Variants in ZNF346 observed in about 807,000 individuals in gnomAD.
ZNF346 encodes the protein zinc finger protein 346.
Under a neutral mutation model 33.7 loss-of-function variants are expected in ZNF346, and 23 were observed. That is an observed-to-expected ratio of 0.68 (90% CI 0.49 to 0.97). The LOEUF (loss-of-function observed/expected upper bound fraction) is 0.97, where lower values mean the gene tolerates loss of function less well. Ranked by LOEUF, ZNF346 falls within the 50% of genes least tolerant of loss-of-function variation. The probability of loss-of-function intolerance (pLI) is 0.00; values close to 1 mark genes in which losing one functional copy is unlikely to be tolerated. For synonymous variants in ZNF346, 134 were observed against 142.4 expected, an observed-to-expected ratio of 0.94 and a Z score of 0.42; for missense variants, 340 against 371.1, an observed-to-expected ratio of 0.92 and a Z score of 0.69.
At chr5:177,058,331 C>T (rs1333047714) in intron 5 of ZNF346, among the ~76,000 whole-genome samples, 6 of 151,504 alleles carry the variant, frequency 4.0e-5, no homozygotes, top group African/African-American at 9.7e-5. Flanking sequence ...ATTAGCCGGG[C>T]GTAGTGGTGC....
At chr5:177,063,924 G>T (rs1432852034) in intron 6 of ZNF346, among the ~76,000 whole-genome samples, 1 of 152,006 alleles carries the variant, frequency 6.6e-6, no homozygotes, top group Non-Finnish European at 1.5e-5. Flanking sequence ...CTCTAATTCT[G>T]TAAGAATAAA....
At chr5:177,078,142 A>T (rs1034636681) in intron 8 of ZNF346, among the ~76,000 whole-genome samples, 1 of 152,132 alleles carries the variant, frequency 6.6e-6, no homozygotes, top group Admixed American at 6.6e-5. Context: ...GCAAGACTCC[A>T]TCTCAAAAAA....
chr5:177,075,299 A>T (rs1783692364), intron 8 of ZNF346, among the ~76,000 whole-genome samples: 2 of 151,892 alleles, frequency 1.3e-5, no homozygotes, highest in South Asian at 4.1e-4. Flanking sequence ...GCTACTCATG[A>T]GGCTGAGGCG....
chr5:177,022,822 C>T lies in ZNF346; in HGVS notation c.84C>T (p.Gly28=). ...ACAGCAGCTCGGAGTTGCTGGAGGG[C>T]CAGGAGCCGGACGGGGTGCGCTTTG... The part of the protein sequence containing the change: ...GPYSSSELLE[G]QEPDGVRFDR... Residue 28 remains glycine (G), a synonymous_variant, in exon 1 of 7, where the codon GGC becomes GGT. Transcript: ENST00000358149. The T allele has an allele frequency of 6.5e-7, 1 of 1,541,098 alleles. No individual in the cohort carries two copies. Among genetic ancestry groups the T allele is most frequent in the African/African-American group, 1.4e-5 (1 of 72,260 alleles).
At chr5:177,023,215 C>T (rs543247433) in intron 1 of ZNF346, 19 of 1,536,456 alleles carry the variant, frequency 1.2e-5, no homozygotes, top group Non-Finnish European at 1.7e-5. Context: ...TGTCGGAGAC[C>T]TACAGTCTTT....
chr5:177,028,518 A>ATATATATATATATATATATATG (rs1777181307), intron 1 of ZNF346, among the ~76,000 whole-genome samples: 1 of 138,674 alleles, frequency 7.2e-6, no homozygotes, highest in African/African-American at 2.7e-5. Context: ...ATATATATAT[A>ATATATATATATATATATATATG]TATTTCCCTC....
chr5:177,022,999 C>T (rs978908044), intron 1 of ZNF346, 86 bp downstream of exon 1: 2 of 1,447,216 alleles, frequency 1.4e-6, no homozygotes, highest in East Asian at 2.5e-5. Context: ...GTCACACCCC[C>T]TGGCCCGCCT....
At chr5:177,057,835 T>TATTG (rs1271921178) in intron 5 of ZNF346, among the ~76,000 whole-genome samples, 19 of 150,520 alleles carry the variant, frequency 1.3e-4, no homozygotes, top group African/African-American at 4.2e-4. Context: ...TTTATTTATT[T>TATTG]ATTGAGACAG....
chr5:177,079,519 G>A (rs72813141), exon 9 of ZNF346: 3,129 of 152,196 alleles, frequency 0.021, 37 homozygotes, highest in South Asian at 0.05. Context: ...AACATCTTGC[G>A]ACCATGAGAG....
intron 5 of ZNF346, among the ~76,000 whole-genome samples, chr5:177,061,037 G>T (rs541331638): frequency 7.9e-5 from 12 of 152,074 alleles, no homozygotes; most frequent in Non-Finnish European, 1.0e-4. Flanking sequence ...GCGTGAACCC[G>T]GGAGGCGGAG....
At chr5:177,039,173 T>C (rs939471448) in intron 1 of ZNF346, among the ~76,000 whole-genome samples, 5 of 151,892 alleles carry the variant, frequency 3.3e-5, no homozygotes, top group Non-Finnish European at 5.9e-5. Context: ...TTACAGGCAT[T>C]ACCAATCGTG....
intron 8 of ZNF346, among the ~76,000 whole-genome samples, chr5:177,074,359 A>C (rs1783644584): frequency 6.6e-6 from 1 of 151,956 alleles, no homozygotes; most frequent in Admixed American, 6.6e-5. Flanking sequence ...CCAAGTGGGA[A>C]TGTCTCGAGC....
At chr5:177,053,444 C>G (rs1781246267) in intron 5 of ZNF346, among the ~76,000 whole-genome samples, 1 of 151,576 alleles carries the variant, frequency 6.6e-6, no homozygotes, top group South Asian at 2.1e-4. Context: ...AGCCGTTACA[C>G]CCAGCCTGCT....
intron 5 of ZNF346, among the ~76,000 whole-genome samples, chr5:177,054,408 G>GT (rs1218159160): frequency 2.7e-5 from 4 of 149,578 alleles, no homozygotes; most frequent in Non-Finnish European, 4.4e-5. Flanking sequence ...TTTTTATTTT[G>GT]TTTTTTTGAG....
chr5:177,079,099 C>T (rs1654424740), intron 8 of ZNF346, among the ~76,000 whole-genome samples: 1 of 151,852 alleles, frequency 6.6e-6, no homozygotes, highest in Admixed American at 6.6e-5. Flanking sequence ...GGTGAAGCTC[C>T]GTCTCTACTA....
intron 1 of ZNF346, among the ~76,000 whole-genome samples, chr5:177,029,952 A>G (rs537438312): frequency 5.3e-5 from 8 of 152,324 alleles, no homozygotes; most frequent in African/African-American, 1.7e-4. Flanking sequence ...CCAGGTAGAT[A>G]GTGTCAGAAT....
Position 177,041,873 on chromosome 5 carries a change from A to G in ZNF346, c.372+3A>G. On this transcript the variant is annotated splice_donor_region_variant and intron_variant, in intron 3 of 6. Transcript: ENST00000358149. ...CGAAGAAGCTAGACTCAGATCAGGT[A>G]ATACAGCTGCCATATTGAGCCCACT... The G allele has an allele frequency of 6.2e-7, 1 of 1,602,318 alleles. No individual in the cohort carries two copies. The highest frequency in any genetic ancestry group is 8.5e-7 in the Non-Finnish European group (1 of 1,170,230).
At position 177,022,755 on chromosome 5, in the gene ZNF346, C is replaced by CGGCCACGGTGCA. The variant is rs1561949819; in HGVS notation, c.22_33dup (p.Thr8_Ala11dup). 2 of 1,555,798 alleles carry CGGCCACGGTGCA rather than the reference C, an allele frequency of 1.3e-6. No individual in the cohort carries two copies. Among genetic ancestry groups the CGGCCACGGTGCA allele is most frequent in the South Asian group, 2.4e-5 (2 of 84,816 alleles). ...GCGGGGAAGATGGAGTATCCCGCGC[C>CGGCCACGGTGCA]GGCCACGGTGCAGGCCGCGGACGGC... On this transcript the variant is annotated inframe_insertion, in exon 1 of 7. Transcript: ENST00000358149.
chr5:177,034,791 G>T (rs548769818), intron 1 of ZNF346, among the ~76,000 whole-genome samples: 28 of 152,320 alleles, frequency 1.8e-4, no homozygotes, highest in Admixed American at 1.6e-3. Flanking sequence ...GTCAAAAAAG[G>T]TCATGGAACT....
Sources: gnomAD v4.1 joint callset for allele counts (sites outside exome capture counted in the v4.1 genomes callset) on GRCh38, gnomAD v4.1.1 for gene constraint, MANE v1.5 for transcripts, NCBI Gene and HGNC (gene_info 2026-07-23, HGNC 2026-07-21) for gene names.